The following CACNA1C variants were observed in gnomAD, a reference collection of about 807,000 sequenced individuals.
The protein encoded by CACNA1C is calcium voltage-gated channel subunit alpha1 C, also known as voltage-dependent L-type calcium channel subunit alpha-1C.
A neutral mutation model predicts 229.0 loss-of-function variants in CACNA1C; 30 were observed. The observed-to-expected ratio is 0.13, with a 90% CI of 0.10 to 0.18. The LOEUF (loss-of-function observed/expected upper bound fraction) is 0.18. Among genes scored for constraint, CACNA1C ranks in the 10% least tolerant of loss-of-function variants. The probability of loss-of-function intolerance (pLI) is 1.00; values close to 1 mark genes in which losing one functional copy is unlikely to be tolerated. For missense variants in CACNA1C, 1,658 were observed against 2,845.0 expected, an observed-to-expected ratio of 0.58 and a Z score of 9.49; for synonymous variants, 1,114 against 1,132.5, an observed-to-expected ratio of 0.98 and a Z score of 0.33.
intron 3 of CACNA1C, among the ~76,000 whole-genome samples, chr12:2,265,222 A>C (rs1601385385): frequency 6.6e-6 from 1 of 152,142 alleles, no homozygotes; most frequent in South Asian, 2.1e-4. Context: ...GGGAACAGTT[A>C]GTTACCGCAA....
chr12:2,642,101 G>A (rs1048066835), intron 30 of CACNA1C, among the ~76,000 whole-genome samples: 1 of 152,190 alleles, frequency 6.6e-6, no homozygotes, highest in Non-Finnish European at 1.5e-5. Flanking sequence ...GTACCCTGCA[G>A]GTTTGACCCG....
intron 3 of CACNA1C, among the ~76,000 whole-genome samples, chr12:2,370,360 G>A (rs1273371976): frequency 1.3e-5 from 2 of 152,148 alleles, no homozygotes; most frequent in East Asian, 1.9e-4. Context: ...AGGAATTTGG[G>A]CTGAAAAATA....
chr12:2,228,446 T>C (rs536618114), intron 3 of CACNA1C, among the ~76,000 whole-genome samples: 1 of 152,366 alleles, frequency 6.6e-6, no homozygotes, highest in East Asian at 1.9e-4. Context: ...TCTGTCCTTC[T>C]GCTTCTCTCC....
At chr12:2,228,867 G>A (rs930693700) in intron 3 of CACNA1C, among the ~76,000 whole-genome samples, 8 of 152,184 alleles carry the variant, frequency 5.3e-5, no homozygotes, top group South Asian at 2.1e-4. Flanking sequence ...GTCAAGTCAG[G>A]TAGAAAGAAA....
intron 3 of CACNA1C, among the ~76,000 whole-genome samples, chr12:2,299,268 G>C (rs1461430577): frequency 6.6e-6 from 1 of 152,180 alleles, no homozygotes; most frequent in Non-Finnish European, 1.5e-5. Flanking sequence ...TGGACATCAG[G>C]GGGTGTGGTT....
chr12:2,474,687 C>A (rs1434183501), intron 5 of CACNA1C, among the ~76,000 whole-genome samples: 2 of 149,136 alleles, frequency 1.3e-5, no homozygotes, highest in Admixed American at 6.8e-5. Context: ...ACCTGGGAGG[C>A]GCAGGTTGCA....
At chr12:2,377,572 C>T (rs2098114202) in intron 3 of CACNA1C, among the ~76,000 whole-genome samples, 2 of 152,130 alleles carry the variant, frequency 1.3e-5, no homozygotes, top group African/African-American at 4.8e-5. Flanking sequence ...GGGAAGACAG[C>T]CAGGAAATAC....
intron 13 of CACNA1C, among the ~76,000 whole-genome samples, chr12:2,568,195 G>A (rs2052308670): frequency 2.0e-5 from 3 of 152,024 alleles, no homozygotes; most frequent in Admixed American, 6.5e-5. Context: ...AATTGGAGGT[G>A]GGAAGAAGAG....
chr12:2,423,262 A>G (rs919250394), intron 3 of CACNA1C, among the ~76,000 whole-genome samples: 1 of 152,106 alleles, frequency 6.6e-6, no homozygotes, highest in Non-Finnish European at 1.5e-5. Context: ...GAGCACTTGC[A>G]TGTATCTGAC....
chr12:2,533,209 G>C (rs765787333), intron 9 of CACNA1C, among the ~76,000 whole-genome samples: 22 of 152,094 alleles, frequency 1.4e-4, no homozygotes, highest in Non-Finnish European at 2.6e-4. Flanking sequence ...TTTGGGGTCG[G>C]TTTCTCCTTC....
chr12:2,025,714 T>A (rs1267139893), intron 1 of CACNA1C, among the ~76,000 whole-genome samples: 1 of 152,228 alleles, frequency 6.6e-6, no homozygotes, highest in Admixed American at 6.5e-5. Flanking sequence ...GGGATTTTTA[T>A]TACCTTGTCA....
chr12:2,631,154 C>T (rs1208157876), intron 29 of CACNA1C, among the ~76,000 whole-genome samples: 1 of 152,176 alleles, frequency 6.6e-6, no homozygotes, highest in Non-Finnish European at 1.5e-5. Flanking sequence ...TTTCCTTTCT[C>T]CATCTTAGAG....
intron 3 of CACNA1C, among the ~76,000 whole-genome samples, chr12:2,183,203 A>C (rs2096892189): frequency 6.6e-6 from 1 of 151,906 alleles, no homozygotes; most frequent in African/African-American, 2.4e-5. Context: ...AAATGAAATT[A>C]AATGAGTTAA....
At position 2,649,406 on chromosome 12, in the gene CACNA1C, T is replaced by C. The variant is rs368995378; in HGVS notation, c.3945+899T>C. Among the ~76,000 whole-genome samples the C allele has an allele frequency of 7.2e-5, 11 of 152,350 alleles. No homozygotes were observed. In the East Asian group the frequency reaches 1.2e-3, roughly 16 times the overall value. On this transcript the variant is annotated intron_variant, in intron 31 of 46. Transcript: ENST00000399655. This position sits in a 1 kb window ranked among gnomAD's most constrained non-coding sequence, Gnocchi z 4.4. ...TTGGGTGGGTTGATGTGTTCCCCAG[T>C]GCAGCCTGGCGCTGCCTGGCCACAA...
chr12:1,992,030 TA>T, intron 1 of CACNA1C: 1 of 338,448 alleles, frequency 3.0e-6, no homozygotes, highest in East Asian at 8.1e-5. Context: ...ATTCAAACTA[TA>T]AACAATTCAA....
intron 3 of CACNA1C, among the ~76,000 whole-genome samples, chr12:2,378,042 T>TC (rs2098125888): frequency 6.6e-6 from 1 of 151,976 alleles, no homozygotes; most frequent in Non-Finnish European, 1.5e-5. Flanking sequence ...AAGAGTATGA[T>TC]CCCCCGCAGA....
intron 3 of CACNA1C, among the ~76,000 whole-genome samples, chr12:2,284,177 T>A (rs981507998): frequency 3.9e-5 from 6 of 152,274 alleles, no homozygotes; most frequent in Admixed American, 2.0e-4. Flanking sequence ...GAGGGGCCGA[T>A]GTCTTTCAGA....
chr12:2,663,277 C>T (rs1176548104), intron 34 of CACNA1C, among the ~76,000 whole-genome samples: 1 of 152,196 alleles, frequency 6.6e-6, no homozygotes, highest in Non-Finnish European at 1.5e-5. Context: ...GAGACTCCAC[C>T]TTCCTCCTGC....
In CACNA1C at chr12:2,653,429, G is replaced by C. The variant is rs547019336; in HGVS notation, c.4075-406G>C. Among the ~76,000 whole-genome samples, 2 of 152,276 alleles carry C rather than the reference G, an allele frequency of 1.3e-5. No homozygotes were observed. The highest frequency in any genetic ancestry group is 4.1e-4 in the South Asian group (2 of 4,830). ...ACTACAACTAGTGGGATGGAATTAA[G>C]CTGTGTAAAGAAAGGGTGTAACTTG... On this transcript the variant is annotated intron_variant, in intron 32 of 46. Transcript: ENST00000399655. The surrounding 1 kb of genome is among the most constrained non-coding windows in gnomAD (Gnocchi z 4.7).
Sources: gnomAD v4.1 joint callset for allele counts (sites outside exome capture counted in the v4.1 genomes callset) on GRCh38, gnomAD v4.1.1 for gene constraint, Gnocchi (gnomAD v3.1) non-coding constraint, MANE v1.5 for transcripts, NCBI Gene and HGNC (gene_info 2026-07-23, HGNC 2026-07-21) for gene names.